Variants in NLRP5 observed in about 807,000 individuals in gnomAD.
NLRP5 encodes the protein NACHT, LRR and PYD domains-containing protein 5.
Under a neutral mutation model 113.1 loss-of-function variants are expected in NLRP5, and 93 were observed. That is an observed-to-expected ratio of 0.82 (90% confidence interval 0.70 to 0.98). NLRP5 has a LOEUF of 0.98. Ranked by LOEUF, NLRP5 falls within the 50% of genes least tolerant of loss-of-function variation. NLRP5 has a pLI of 0.00. For synonymous variants in NLRP5, 751 were observed against 600.7 expected (o/e 1.25, Z -3.66); for missense variants, 1,808 against 1,514.3 (o/e 1.19, Z -3.22).
chr19:56,029,581 T>G (rs1330613407), intron 7 of NLRP5, among the ~76,000 whole-genome samples: 6 of 152,136 alleles, frequency 3.9e-5, no homozygotes, highest in African/African-American at 1.4e-4. Flanking sequence ...TGTATTTAAA[T>G]AGTCACACAT....
chr19:56,006,430 A>ATG (rs763285151), intron 2 of NLRP5, among the ~76,000 whole-genome samples: 1 of 150,734 alleles, frequency 6.6e-6, no homozygotes, highest in African/African-American at 2.4e-5. Context: ...ATAATTTTAA[A>ATG]AAAAAAATGG....
chr19:56,012,064 T>C (rs1374859145), intron 3 of NLRP5, among the ~76,000 whole-genome samples: 1 of 152,142 alleles, frequency 6.6e-6, no homozygotes. Flanking sequence ...GTCTAATAGA[T>C]TGAATGTATT....
chr19:56,007,410 A>C (rs1981967096), intron 2 of NLRP5, among the ~76,000 whole-genome samples: 1 of 150,328 alleles, frequency 6.7e-6, no homozygotes, highest in South Asian at 2.1e-4. Flanking sequence ...ATGAGAGGGA[A>C]GTTTAGAATC....
At chr19:56,053,425 C>T (rs542164511) in intron 12 of NLRP5, among the ~76,000 whole-genome samples, 1 of 152,166 alleles carries the variant, frequency 6.6e-6, no homozygotes, top group South Asian at 2.1e-4. Flanking sequence ...AATAAAGATA[C>T]CTTCAATCAC....
chr19:56,050,703 G>A (rs1047365035), intron 12 of NLRP5, 115 bp downstream of exon 12: 7 of 996,446 alleles, frequency 7.0e-6, no homozygotes, highest in Non-Finnish European at 7.3e-6. Context: ...AGGGTGAGCT[G>A]ACACTCATTT....
rs199904861 is a variant in NLRP5 at position 56,030,705 on chromosome 19, T to TTTC, written c.2277-1897_2277-1895dup. Among the ~76,000 whole-genome samples the TTTC allele has an allele frequency of 3.6e-3, 351 of 97,284 alleles. 68 individuals carry two copies. The highest frequency in any genetic ancestry group is 4.5e-3 in the Non-Finnish European group (223 of 49,036). The allele number at this position is 97,284 out of a possible 152,430, so 63.8% of individuals were successfully genotyped here. A position where few individuals can be genotyped will look rare whatever the true frequency, so the allele number is the denominator to read the frequency against. ...CTGTGCTATACTTACATTCATTCGC[T>TTTC]TTCTTCTTCTTTTTTTTTTTTTTTT... On this transcript the variant is annotated intron_variant, in intron 7 of 14. Transcript: ENST00000390649.
the NLRP5 span, among the ~76,000 whole-genome samples, chr19:55,994,036 A>T: frequency 6.6e-6 from 1 of 152,064 alleles, no homozygotes; most frequent in African/African-American, 2.4e-5. Context: ...GTTCTTTGAG[A>T]CACTGCTACA....
chr19:56,045,166 T>C (rs568411963), intron 11 of NLRP5, among the ~76,000 whole-genome samples: 4 of 152,366 alleles, frequency 2.6e-5, no homozygotes, highest in African/African-American at 7.2e-5. Context: ...AGTGACAGTT[T>C]GACTTTCCTG....
At chr19:56,035,785 G>T (rs1983288664) in intron 9 of NLRP5, among the ~76,000 whole-genome samples, 1 of 152,132 alleles carries the variant, frequency 6.6e-6, no homozygotes, top group Non-Finnish European at 1.5e-5. Flanking sequence ...TGGATAGAGG[G>T]ATGGGATGAT....
intron 11 of NLRP5, among the ~76,000 whole-genome samples, chr19:56,045,744 C>A (rs975648677): frequency 2.0e-5 from 3 of 152,004 alleles, no homozygotes; most frequent in African/African-American, 7.3e-5. Context: ...CCGTTTATTG[C>A]GGGCAGGGGA....
chr19:55,999,935 A>C, intron 1 of NLRP5: 1 of 676,554 alleles, frequency 1.5e-6, no homozygotes, highest in East Asian at 2.6e-5. Flanking sequence ...GGTAGAAAGA[A>C]AGTGAAAGAA....
At chr19:56,047,278 G>A (rs960697685) in intron 11 of NLRP5, among the ~76,000 whole-genome samples, 4 of 151,958 alleles carry the variant, frequency 2.6e-5, no homozygotes, top group African/African-American at 7.3e-5. Context: ...CTTCTGCTGG[G>A]TTTGGGGTTG....
At chr19:56,032,352 A>G (rs1983150881) in intron 7 of NLRP5, among the ~76,000 whole-genome samples, 1 of 151,868 alleles carries the variant, frequency 6.6e-6, no homozygotes, top group South Asian at 2.1e-4. Flanking sequence ...CTCAAAAAAA[A>G]AAAAAAAAGA....
At chr19:55,994,843 GC>G (rs1981274909), upstream of NLRP5, among the ~76,000 whole-genome samples, 1 of 152,174 alleles carries the variant, frequency 6.6e-6, no homozygotes, top group Non-Finnish European at 1.5e-5. Flanking sequence ...ATTCAGAAGA[GC>G]TTTCCCTATG....
intron 4 of NLRP5, among the ~76,000 whole-genome samples, chr19:56,018,912 G>A (rs1169688571): frequency 1.3e-5 from 2 of 152,092 alleles, no homozygotes; most frequent in Admixed American, 6.6e-5. Context: ...TCCTGCTTCA[G>A]CCTCCTGAGT....
rs368551631 is a variant in NLRP5 at position 56,051,439 on chromosome 19, C to T, written c.3128+851C>T. Reference sequence around the variant, plus strand: ...AACTCCTGACCTCAGGCAATCCACCCACTTTGGCCTCCCAAAGTGCTGGGA... The same window carrying T: ...AACTCCTGACCTCAGGCAATCCACCTACTTTGGCCTCCCAAAGTGCTGGGA... On this transcript the variant is annotated intron_variant, in intron 12 of 14. Transcript: ENST00000390649. 6.6e-5 allele frequency among the ~76,000 whole-genome samples: 10 copies of T among 152,270 alleles called. No individual in the cohort carries two copies. In the East Asian group the frequency reaches 1.5e-3, roughly 24 times the overall value.
intron 7 of NLRP5, among the ~76,000 whole-genome samples, chr19:56,029,990 G>C (rs1406622313): frequency 6.6e-6 from 1 of 151,882 alleles, no homozygotes; most frequent in African/African-American, 2.4e-5. Flanking sequence ...AGGAGGCAGA[G>C]GTTGCAGTGA....
intron 9 of NLRP5, among the ~76,000 whole-genome samples, 162 bp from the exon 10 acceptor site, chr19:56,037,863 G>C (rs1275082120): frequency 6.6e-6 from 1 of 152,052 alleles, no homozygotes; most frequent in African/African-American, 2.4e-5. Context: ...GAGGAGGGGA[G>C]GTTGCACTGG....
the NLRP5 span, among the ~76,000 whole-genome samples, chr19:55,994,701 G>A: frequency 1.3e-5 from 2 of 152,186 alleles, no homozygotes; most frequent in Non-Finnish European, 2.9e-5. Flanking sequence ...CAGCCAGGTT[G>A]TCTCTTTACT....
Sources: gnomAD v4.1 joint callset for allele counts (sites outside exome capture counted in the v4.1 genomes callset) on GRCh38, gnomAD v4.1.1 for gene constraint, MANE v1.5 for transcripts, NCBI Gene and HGNC (gene_info 2026-07-23, HGNC 2026-07-21) for gene names.